Variants in RAB38 observed in about 807,000 individuals in gnomAD.
The protein encoded by RAB38 is ras-related protein Rab-38.
Under a neutral mutation model 18.4 loss-of-function variants are expected in RAB38, and 15 were observed. The ratio of observed to expected loss-of-function variants is 0.82; its 90% CI spans 0.55 to 1.26. RAB38 has a LOEUF of 1.26. Among genes scored for constraint, RAB38 ranks in the 50% most tolerant of loss-of-function variants. The pLI is 0.00. For synonymous variants in RAB38, 101 were observed against 104.4 expected, an observed-to-expected ratio of 0.97 and a Z score of 0.20; for missense variants, 294 against 267.4, an observed-to-expected ratio of 1.10 and a Z score of -0.69.
At chr11:87,898,291 G>A in the RAB38 span, among the ~76,000 whole-genome samples, 10 of 151,630 alleles carry the variant, frequency 6.6e-5, 1 homozygote, top group South Asian at 2.1e-4. Context: ...ACCACAGAGC[G>A]TGGGTAAAAC....
the RAB38 span, among the ~76,000 whole-genome samples, chr11:87,895,962 C>G: frequency 6.6e-6 from 1 of 151,620 alleles, no homozygotes; most frequent in Non-Finnish European, 1.5e-5. Context: ...ATTTTCTTCC[C>G]CTATTTCTTC....
chr11:88,028,447 T>C, the RAB38 span, among the ~76,000 whole-genome samples: 1 of 152,036 alleles, frequency 6.6e-6, no homozygotes, highest in Non-Finnish European at 1.5e-5. Context: ...CAGGAGGAAA[T>C]TCAAACCAAA....
the RAB38 span, among the ~76,000 whole-genome samples, chr11:88,036,882 G>T: frequency 6.6e-6 from 1 of 151,922 alleles, no homozygotes; most frequent in African/African-American, 2.4e-5. Context: ...TTGACACCTT[G>T]TTGGCAGGTT....
At chr11:88,150,105 T>G in intron 1 of RAB38, 150 bp from the exon 2 acceptor site, 1 of 831,376 alleles carries the variant, frequency 1.2e-6, no homozygotes, top group Non-Finnish European at 1.9e-6. Context: ...AAATATGCAA[T>G]CATGTAGCTT....
chr11:88,030,617 A>G, the RAB38 span, among the ~76,000 whole-genome samples: 1 of 152,262 alleles, frequency 6.6e-6, no homozygotes, highest in Non-Finnish European at 1.5e-5. Context: ...CAAATAAACT[A>G]GAAAATCTAG....
chr11:88,050,226 T>A, the RAB38 span: 1 of 152,240 alleles, frequency 6.6e-6, no homozygotes, highest in African/African-American at 2.4e-5. Context: ...TGTGACATTG[T>A]CAATGGTAGC....
chr11:88,024,075 T>C, the RAB38 span, among the ~76,000 whole-genome samples: 1 of 151,930 alleles, frequency 6.6e-6, no homozygotes, highest in Admixed American at 6.6e-5. Flanking sequence ...AGCTTTTACA[T>C]AGTGAAGGAA....
At chr11:88,158,149 C>T (rs996629746) in intron 1 of RAB38, among the ~76,000 whole-genome samples, 4 of 152,126 alleles carry the variant, frequency 2.6e-5, no homozygotes, top group Non-Finnish European at 4.4e-5. Context: ...CTGTTATTAA[C>T]ACTTCTTTGC....
chr11:87,971,260 G>A, the RAB38 span, among the ~76,000 whole-genome samples: 15,473 of 152,140 alleles, frequency 0.1, 955 homozygotes, highest in South Asian at 0.18. Context: ...GCAGAGAAGG[G>A]GGAGGCAAGC....
At chr11:87,913,931 C>G in the RAB38 span, among the ~76,000 whole-genome samples, 195 of 152,130 alleles carry the variant, frequency 1.3e-3, no homozygotes, top group African/African-American at 4.6e-3. Context: ...GCCTCCATAA[C>G]TGTAAGAAAT....
chr11:88,174,867 A>C (rs547307368), intron 1 of RAB38, among the ~76,000 whole-genome samples: 1 of 152,348 alleles, frequency 6.6e-6, no homozygotes, highest in Non-Finnish European at 1.5e-5. Context: ...CCGCGCCCAG[A>C]AAACGAGCTG....
the RAB38 span, among the ~76,000 whole-genome samples, chr11:88,092,743 T>C: frequency 6.6e-6 from 1 of 151,710 alleles, no homozygotes; most frequent in Non-Finnish European, 1.5e-5. Context: ...ACTTTAGATA[T>C]GGTAAATTAA....
the RAB38 span, among the ~76,000 whole-genome samples, chr11:87,864,431 C>T: frequency 6.6e-6 from 1 of 151,342 alleles, no homozygotes; most frequent in Non-Finnish European, 1.5e-5. Flanking sequence ...GTAGTAGTAG[C>T]AGTATTTTAC....
Position 88,114,518 on chromosome 11 carries a change from G to A in RAB38, c.484-378C>T, listed in dbSNP as rs535327634. On this transcript the variant is annotated intron_variant, in intron 2 of 2. Coordinates refer to ENST00000243662, the MANE Select transcript of RAB38 (RefSeq NM_022337.3). ...TTGCCCTCTGCCACATACTATTTTT[G>A]TGACCTTGATATAAAATAAGAATGA... 9.8e-4 allele frequency among the ~76,000 whole-genome samples: 149 copies of A among 152,192 alleles called. 1 individual carries two copies. Among genetic ancestry groups the A allele is most frequent in the Non-Finnish European group, 1.8e-3 (122 of 68,010 alleles).
chr11:87,924,018 C>A, the RAB38 span, among the ~76,000 whole-genome samples: 1 of 145,486 alleles, frequency 6.9e-6, no homozygotes, highest in East Asian at 2.1e-4. Context: ...CAACAAAAAG[C>A]TGAAGTAAAT....
chr11:87,977,577 CAT>C, the RAB38 span, among the ~76,000 whole-genome samples: 4 of 114,998 alleles, frequency 3.5e-5, 1 homozygote, highest in South Asian at 7.8e-4. Flanking sequence ...ACTTATGTAA[CAT>C]AATTTTATAA....
chr11:87,857,935 G>C, the RAB38 span, among the ~76,000 whole-genome samples: 2 of 152,226 alleles, frequency 1.3e-5, no homozygotes, highest in East Asian at 1.9e-4. Flanking sequence ...TGAAGTCCTT[G>C]TCCATGCCTA....
At chr11:87,944,631 A>G in the RAB38 span, among the ~76,000 whole-genome samples, 2 of 152,174 alleles carry the variant, frequency 1.3e-5, no homozygotes, top group Non-Finnish European at 2.9e-5. Flanking sequence ...CCTCTGAGAG[A>G]TTCTAGAAAT....
chr11:87,811,590 G>A, the RAB38 span, among the ~76,000 whole-genome samples: 2 of 152,040 alleles, frequency 1.3e-5, no homozygotes, highest in African/African-American at 4.8e-5. Flanking sequence ...TTTCTTTGCT[G>A]TAGAATCTTT....
Sources: gnomAD v4.1 joint callset for allele counts (sites outside exome capture counted in the v4.1 genomes callset) on GRCh38, gnomAD v4.1.1 for gene constraint, MANE v1.5 for transcripts, NCBI Gene and HGNC (gene_info 2026-07-23, HGNC 2026-07-21) for gene names.